Variants in PDLIM5 observed in about 807,000 individuals in gnomAD.
PDLIM5 encodes the protein PDZ and LIM domain protein 5.
Under a neutral mutation model 64.2 loss-of-function variants are expected in PDLIM5, and 34 were observed. The ratio of observed to expected loss-of-function variants is 0.53; its 90% CI spans 0.40 to 0.71. The LOEUF (loss-of-function observed/expected upper bound fraction) is 0.71, where lower values mean the gene tolerates loss of function less well. Among genes scored for constraint, PDLIM5 ranks in the 30% least tolerant of loss-of-function variants. PDLIM5 has a pLI of 0.00. For missense variants in PDLIM5, 683 were observed against 733.6 expected, an observed-to-expected ratio of 0.93 and a Z score of 0.80; for synonymous variants, 253 against 269.1, an observed-to-expected ratio of 0.94 and a Z score of 0.59.
At chr4:94,489,159 A>G (rs901060543) in intron 2 of PDLIM5, 2 of 152,178 alleles carry the variant, frequency 1.3e-5, no homozygotes, top group Admixed American at 6.6e-5. Flanking sequence ...CGTCTTTAAT[A>G]GTATATTGTC....
At chr4:94,569,302 T>A (rs993734582) in intron 3 of PDLIM5, among the ~76,000 whole-genome samples, 5 of 151,282 alleles carry the variant, frequency 3.3e-5, no homozygotes, top group African/African-American at 4.9e-5. Context: ...CTTGATAAAG[T>A]CATTTTACCC....
intron 2 of PDLIM5, among the ~76,000 whole-genome samples, chr4:94,515,775 T>C (rs1006171779): frequency 1.3e-5 from 2 of 152,224 alleles, no homozygotes; most frequent in Non-Finnish European, 2.9e-5. Context: ...CCAGGTATGC[T>C]AGATTTGACT....
At chr4:94,610,207 C>G in intron 7 of PDLIM5, 2 of 1,524,372 alleles carry the variant, frequency 1.3e-6, no homozygotes, top group Non-Finnish European at 1.8e-6. Flanking sequence ...CGAAGGTTTT[C>G]GAAACTTTTC....
At chr4:94,497,631 C>T (rs554149986) in intron 2 of PDLIM5, among the ~76,000 whole-genome samples, 2 of 152,226 alleles carry the variant, frequency 1.3e-5, no homozygotes, top group East Asian at 3.9e-4. Context: ...GTCTTAAAGC[C>T]TGTTTGTAGT....
intron 7 of PDLIM5, chr4:94,587,283 CAA>C (rs5860368): frequency 0.02 from 21,194 of 1,067,052 alleles, no homozygotes; most frequent in East Asian, 0.022. Context: ...AATGTAAAAC[CAA>C]AAAAAAAAAA....
At chr4:94,557,310 C>T (rs1335835223) in intron 3 of PDLIM5, among the ~76,000 whole-genome samples, 3 of 152,092 alleles carry the variant, frequency 2.0e-5, no homozygotes, top group African/African-American at 7.2e-5. Context: ...TTACTATAGC[C>T]TTGTAGTATA....
intron 3 of PDLIM5, among the ~76,000 whole-genome samples, chr4:94,540,274 T>C (rs2452584): frequency 0.52 from 78,790 of 151,728 alleles, 21,488 homozygotes; most frequent in African/African-American, 0.68. Context: ...TCTGCCACCA[T>C]GCCCGGCTAA....
chr4:94,486,695 T>C (rs987629084), intron 2 of PDLIM5, among the ~76,000 whole-genome samples: 39 of 152,144 alleles, frequency 2.6e-4, no homozygotes, highest in African/African-American at 9.2e-4. Context: ...CTTGCTACCA[T>C]ATGTGAAAAT....
chr4:94,546,320 AC>A (rs1423688076), intron 3 of PDLIM5, among the ~76,000 whole-genome samples: 1 of 151,846 alleles, frequency 6.6e-6, no homozygotes, highest in African/African-American at 2.4e-5. Flanking sequence ...ACCTTACCCC[AC>A]CCGGCCCCAC....
At chr4:94,545,687 AT>A (rs1273225438) in intron 3 of PDLIM5, among the ~76,000 whole-genome samples, 3 of 152,114 alleles carry the variant, frequency 2.0e-5, no homozygotes, top group African/African-American at 7.2e-5. Context: ...TTTTATAGTC[AT>A]TTTTTAGTAG....
intron 2 of PDLIM5, among the ~76,000 whole-genome samples, chr4:94,518,161 A>T (rs577858892): frequency 6.6e-6 from 1 of 152,292 alleles, no homozygotes; most frequent in African/African-American, 2.4e-5. Context: ...ATATTGAATG[A>T]TCATATTCAA....
chr4:94,574,012 A>G (rs768850460), intron 4 of PDLIM5, among the ~76,000 whole-genome samples: 3 of 152,168 alleles, frequency 2.0e-5, no homozygotes, highest in Non-Finnish European at 4.4e-5. Flanking sequence ...TCACATGACC[A>G]TTGCAGCATT....
chr4:94,576,795 G>C (rs1363802748), intron 5 of PDLIM5, among the ~76,000 whole-genome samples: 1 of 151,924 alleles, frequency 6.6e-6, no homozygotes, highest in Non-Finnish European at 1.5e-5. Flanking sequence ...AAAAAAATTG[G>C]TTGAAGTTAT....
intron 3 of PDLIM5, chr4:94,549,647 G>A (rs1382926180): frequency 6.6e-6 from 1 of 152,178 alleles, no homozygotes; most frequent in South Asian, 2.1e-4. Context: ...AGTTAAAAAA[G>A]CAAGGTGTAA....
intron 8 of PDLIM5, among the ~76,000 whole-genome samples, chr4:94,639,319 G>T (rs1402283114): frequency 6.6e-6 from 1 of 152,106 alleles, no homozygotes; most frequent in Admixed American, 6.5e-5. Context: ...TACATTCAGG[G>T]GTCAAATAGG....
intron 3 of PDLIM5, among the ~76,000 whole-genome samples, chr4:94,554,801 A>G (rs747173081): frequency 6.6e-6 from 1 of 152,216 alleles, no homozygotes. Context: ...CTATATCTAT[A>G]TATATCTGTA....
intron 4 of PDLIM5, chr4:94,573,665 C>T: frequency 2.4e-6 from 1 of 424,746 alleles, no homozygotes; most frequent in South Asian, 3.7e-5. Context: ...TTTTGATGAG[C>T]CCATCTTTAT....
intron 5 of PDLIM5, chr4:94,582,685 A>T (rs773955151): frequency 2.6e-6 from 4 of 1,521,094 alleles, no homozygotes; most frequent in Non-Finnish European, 3.6e-6. Context: ...ACTCTATCGC[A>T]TCTTTTTTTG....
At chr4:94,612,596 C>A (rs1738465319) in intron 7 of PDLIM5, among the ~76,000 whole-genome samples, 2 of 152,120 alleles carry the variant, frequency 1.3e-5, no homozygotes. Flanking sequence ...ATCTATGGCC[C>A]CACCTCTAGA....
Sources: gnomAD v4.1 joint callset for allele counts (sites outside exome capture counted in the v4.1 genomes callset) on GRCh38, gnomAD v4.1.1 for gene constraint, MANE v1.5 for transcripts, NCBI Gene and HGNC (gene_info 2026-07-23, HGNC 2026-07-21) for gene names.